The following LAMA2 variants were observed in gnomAD, a reference collection of about 807,000 sequenced individuals.
LAMA2 encodes the protein laminin subunit alpha 2.
A neutral mutation model predicts 364.8 loss-of-function variants in LAMA2; 269 were observed. That is an observed-to-expected ratio of 0.74 (90% confidence interval 0.67 to 0.82). The LOEUF (loss-of-function observed/expected upper bound fraction) is 0.82, where lower values mean the gene tolerates loss of function less well. Ranked by LOEUF, LAMA2 falls within the 40% of genes least tolerant of loss-of-function variation. The probability of loss-of-function intolerance (pLI) is 0.00; values close to 1 mark genes in which losing one functional copy is unlikely to be tolerated. For synonymous variants in LAMA2, 1,379 were observed against 1,370.6 expected, an observed-to-expected ratio of 1.01 and a Z score of -0.14; for missense variants, 3,807 against 3,873.2, an observed-to-expected ratio of 0.98 and a Z score of 0.45.
In LAMA2 at chr6:129,172,206, C is replaced by T. The variant is rs1225087334; in HGVS notation, c.1307-5500C>T. Among the ~76,000 whole-genome samples the T allele has an allele frequency of 5.3e-5, 8 of 152,206 alleles. No homozygotes were observed. The South Asian group carries it at 6.2e-4, about 12-fold the overall frequency. On this transcript the variant is annotated intron_variant, in intron 9 of 64. Transcript: ENST00000421865. ...AGTCGTTCTCCATCCAGCTTTGTTC[C>T]GTTGCTGGTGAGGAACTGCGTTCCT...
At chr6:128,885,627 A>G (rs941671795) in intron 1 of LAMA2, among the ~76,000 whole-genome samples, 9 of 152,190 alleles carry the variant, frequency 5.9e-5, no homozygotes, top group African/African-American at 2.2e-4. Flanking sequence ...TTTCGATTAT[A>G]CTAGCACTGA....
intron 4 of LAMA2, among the ~76,000 whole-genome samples, chr6:129,121,468 G>C (rs755857755): frequency 6.6e-6 from 1 of 152,076 alleles, no homozygotes; most frequent in Non-Finnish European, 1.5e-5. Context: ...TTGTATGCTA[G>C]CATATCTAGT....
chr6:129,209,184 G>C (rs1345855342), intron 12 of LAMA2, among the ~76,000 whole-genome samples: 1 of 152,130 alleles, frequency 6.6e-6, no homozygotes, highest in Non-Finnish European at 1.5e-5. Flanking sequence ...AAGATGTGAT[G>C]GTTTTATATA....
At chr6:129,349,669 C>T (rs1479710531) in intron 31 of LAMA2, among the ~76,000 whole-genome samples, 4 of 150,934 alleles carry the variant, frequency 2.7e-5, no homozygotes, top group African/African-American at 9.7e-5. Flanking sequence ...GTAAATATAA[C>T]ATTTCATAAG....
intron 1 of LAMA2, among the ~76,000 whole-genome samples, chr6:128,966,022 A>G (rs1165931994): frequency 7.1e-6 from 1 of 140,172 alleles, no homozygotes; most frequent in Non-Finnish European, 1.5e-5. Context: ...CTATTCTAAA[A>G]CACTTTTTAG....
chr6:129,249,217 G>A (rs1229485390), intron 12 of LAMA2, among the ~76,000 whole-genome samples: 1 of 152,094 alleles, frequency 6.6e-6, no homozygotes, highest in Non-Finnish European at 1.5e-5. Context: ...GTCTCTGCAT[G>A]TCAGCACAGA....
intron 1 of LAMA2, among the ~76,000 whole-genome samples, chr6:129,006,809 T>C (rs944351918): frequency 6.6e-6 from 1 of 152,164 alleles, no homozygotes; most frequent in Non-Finnish European, 1.5e-5. Flanking sequence ...AACTTGGTCT[T>C]TGACCTCTTC....
chr6:129,064,951 T>C (rs994244667), intron 3 of LAMA2, among the ~76,000 whole-genome samples: 2 of 152,120 alleles, frequency 1.3e-5, no homozygotes, highest in Admixed American at 1.3e-4. Context: ...CCAAAGACAC[T>C]GCAAGAAAAG....
At position 129,514,463 on chromosome 6, in the gene LAMA2, A is replaced by C; in HGVS notation, c.9079A>C (p.Lys3027Gln). Residue 3027 changes from lysine to glutamine, a missense_variant, in exon 64 of 65, where the codon AAA becomes CAA. Physicochemically the swap from Lys to Gln is moderately conservative, Grantham distance 53. Coordinates refer to ENST00000421865, the MANE Select transcript of LAMA2 (RefSeq NM_000426.4). ...PGHLCDGQWH[K>Q]VTANKIKHRI... ...GCATTTGTGTGATGGACAATGGCAT[A>C]AAGTCACTGCCAACAAGATCAAACA... The C allele has an allele frequency of 6.2e-7, 1 of 1,613,948 alleles. No individual in the cohort carries two copies. Among genetic ancestry groups the C allele is most frequent in the Non-Finnish European group, 8.5e-7 (1 of 1,179,854 alleles).
intron 12 of LAMA2, among the ~76,000 whole-genome samples, chr6:129,248,423 A>G (rs1785928724): frequency 6.6e-6 from 1 of 152,182 alleles, no homozygotes; most frequent in African/African-American, 2.4e-5. Flanking sequence ...TTCAAATTAT[A>G]CACACTTTGA....
chr6:129,463,529 G>A (rs1310209089), intron 49 of LAMA2, among the ~76,000 whole-genome samples: 1 of 151,946 alleles, frequency 6.6e-6, no homozygotes, highest in Non-Finnish European at 1.5e-5. Flanking sequence ...CAGACAGATA[G>A]GTAGGTAGAT....
chr6:129,272,274 G>T (rs1202950534), intron 17 of LAMA2, among the ~76,000 whole-genome samples: 2 of 152,098 alleles, frequency 1.3e-5, no homozygotes, highest in Non-Finnish European at 2.9e-5. Context: ...TAAATGCTGG[G>T]TTCCATACTT....
rs1204754988 is a variant in LAMA2 at position 129,516,484 on chromosome 6, C to T, written c.*137C>T. The T allele has an allele frequency of 1.2e-6, 1 of 815,500 alleles. No homozygotes were observed. The highest frequency in any genetic ancestry group is 2.7e-5 in the East Asian group (1 of 37,300). 50.5% of individuals were successfully genotyped at this position (815,500 alleles called of 1,614,324 possible). On this transcript the variant is annotated 3_prime_UTR_variant, in exon 65 of 65. Transcript: ENST00000421865. ...GAATTCTTTCTGTATTCAGATGGTG[C>T]TAATTCAGACTCCAGACTGAATTTT...
rs116379702 is a variant in LAMA2 at position 128,992,009 on chromosome 6, G to T, written c.113-57909G>T. 4.6e-5 allele frequency among the ~76,000 whole-genome samples: 7 copies of T among 152,312 alleles called. No homozygotes were observed. In the East Asian group the frequency reaches 7.7e-4, roughly 17 times the overall value. On this transcript the variant is annotated intron_variant, in intron 1 of 64. Transcript: ENST00000421865. The stretch of plus-strand genomic sequence containing the variant: ...TTTCACTTACCTTATATTGTAGTAT[G>T]TAGTATAGGACAATTGATACGGTCA...
At chr6:128,934,183 T>C (rs995366739) in intron 1 of LAMA2, among the ~76,000 whole-genome samples, 1 of 152,232 alleles carries the variant, frequency 6.6e-6, no homozygotes, top group African/African-American at 2.4e-5. Flanking sequence ...ATACAGTTTA[T>C]TGAAAAGACT....
intron 20 of LAMA2, among the ~76,000 whole-genome samples, chr6:129,296,664 A>C (rs898043509): frequency 5.3e-5 from 8 of 151,586 alleles, no homozygotes; most frequent in Admixed American, 2.0e-4. Context: ...AAGTGGCAAG[A>C]TTTTTTTTTA....
At chr6:129,307,007 T>G (rs1773919772) in intron 22 of LAMA2, among the ~76,000 whole-genome samples, 1 of 152,222 alleles carries the variant, frequency 6.6e-6, no homozygotes, top group South Asian at 2.1e-4. Context: ...TGATAATTTT[T>G]ATTTGGATGC....
At chr6:129,288,556 G>A (rs916442341) in intron 19 of LAMA2, among the ~76,000 whole-genome samples, 1 of 152,070 alleles carries the variant, frequency 6.6e-6, no homozygotes, top group South Asian at 2.1e-4. Context: ...TCGCACACAG[G>A]CATTTGTCAT....
rs374645107 is a variant in LAMA2, at chr6:128,991,411, G to A, written c.113-58507G>A. On this transcript the variant is annotated intron_variant, in intron 1 of 64. Coordinates refer to ENST00000421865, the MANE Select transcript of LAMA2 (RefSeq NM_000426.4). ...CTAAAAAATGTAAATGGATGAAAGC[G>A]ATTCAATCTATTATGGAAGCAGAAA... 5.8e-4 allele frequency among the ~76,000 whole-genome samples: 89 copies of A among 152,202 alleles called. 1 individual carries two copies. In the South Asian group the frequency reaches 0.017, roughly 28 times the overall value.
Sources: gnomAD v4.1 joint callset for allele counts (sites outside exome capture counted in the v4.1 genomes callset) on GRCh38, gnomAD v4.1.1 for gene constraint, MANE v1.5 for transcripts, NCBI Gene and HGNC (gene_info 2026-07-23, HGNC 2026-07-21) for gene names.